Variants in TMEM243 observed in about 807,000 individuals in gnomAD.
The protein encoded by TMEM243 is transmembrane protein 243, also known as MDR1 and mitochondrial taxol resistance associated.
In TMEM243, 20 loss-of-function variants were observed where a neutral mutation model predicts 15.0. The ratio of observed to expected loss-of-function variants is 1.33; its 90% CI spans 0.94 to 1.93. The LOEUF is 1.93. TMEM243 is among the 30% of genes most tolerant of loss of function. The pLI is 0.00. For missense variants in TMEM243, 156 were observed against 142.1 expected, an observed-to-expected ratio of 1.10 and a Z score of -0.50; for synonymous variants, 72 against 52.7, an observed-to-expected ratio of 1.37 and a Z score of -1.59.
intron 1 of TMEM243, among the ~76,000 whole-genome samples, chr7:87,207,266 G>A (rs562362576): frequency 3.3e-5 from 5 of 152,370 alleles, no homozygotes; most frequent in Admixed American, 3.3e-4. Flanking sequence ...CACTCCCAGA[G>A]AGGGGCAAGG....
chr7:87,200,103 A>G (rs1801675875), intron 1 of TMEM243, among the ~76,000 whole-genome samples: 1 of 152,190 alleles, frequency 6.6e-6, no homozygotes, highest in African/African-American at 2.4e-5. Context: ...TAAGGATAAG[A>G]ACCCACAGAA....
chr7:87,201,387 T>C lies in TMEM243; in HGVS notation c.79-2330A>G, dbSNP rs138336748. Among the ~76,000 whole-genome samples the C allele has an allele frequency of 1.2e-3, 190 of 152,340 alleles. 1 individual carries two copies. Among genetic ancestry groups the C allele is most frequent in the Admixed American group, 2.0e-3 (30 of 15,298 alleles). ...CACTGAGACCAACTGAATCAGAATC[T>C]GCGTTTTAACAGGATCTGGTAATTT... On this transcript the variant is annotated intron_variant, in intron 1 of 3. Coordinates refer to ENST00000257637, the MANE Select transcript of TMEM243 (RefSeq NM_024315.4).
intron 1 of TMEM243, among the ~76,000 whole-genome samples, chr7:87,203,260 C>A (rs796365924): frequency 6.6e-6 from 1 of 151,888 alleles, no homozygotes; most frequent in South Asian, 2.1e-4. Flanking sequence ...ATAAAAAGAC[C>A]AAGACAAAAT....
At chr7:87,206,299 C>T (rs569792823) in intron 1 of TMEM243, among the ~76,000 whole-genome samples, 1 of 152,322 alleles carries the variant, frequency 6.6e-6, no homozygotes, top group Admixed American at 6.5e-5. Flanking sequence ...ATCAACTTCA[C>T]TGTAAATCCT....
intron 2 of TMEM243, 65 bp from the exon 3 acceptor site, chr7:87,198,110 A>T: frequency 7.4e-7 from 1 of 1,359,550 alleles, no homozygotes; most frequent in Non-Finnish European, 1.0e-6. Flanking sequence ...TACCAACTGG[A>T]GTCTAGGCAA....
At position 87,200,006 on chromosome 7, in the gene TMEM243, G is replaced by A. The variant is rs114968706; in HGVS notation, c.79-949C>T. 1.8e-3 allele frequency among the ~76,000 whole-genome samples: 277 copies of A among 152,202 alleles called. 1 individual carries two copies. Among genetic ancestry groups the A allele is most frequent in the African/African-American group, 6.0e-3 (251 of 41,522 alleles). ...AGAATGGCAGGATATGGAACATGCC[G>A]CCAATAAACAAAACCTCAGAGATGG... On this transcript the variant is annotated intron_variant, in intron 1 of 3. Transcript: ENST00000257637.
At chr7:87,196,822 A>C (rs1801309516) in intron 3 of TMEM243, 64 bp from the exon 4 acceptor site, 2 of 1,172,304 alleles carry the variant, frequency 1.7e-6, no homozygotes, top group East Asian at 5.3e-5. Flanking sequence ...TACCAATTTC[A>C]AATTTCATTA....
rs879724856 is a variant in TMEM243 at position 87,209,606 on chromosome 7, GAGAGAC to G, written c.78+9814_78+9819del. On this transcript the variant is annotated intron_variant, in intron 1 of 3. Coordinates refer to ENST00000257637, the MANE Select transcript of TMEM243 (RefSeq NM_024315.4). ...AGAGACAGTGAGACAGTGAGAGAGA[GAGAGAC>G]AGAGAGAGAGACTGAGATAGAGAGC... 7.9e-3 allele frequency among the ~76,000 whole-genome samples: 1,117 copies of G among 141,460 alleles called. 29 individuals are homozygous for G. The highest frequency in any genetic ancestry group is 0.018 in the East Asian group (83 of 4,560). 92.8% of individuals were successfully genotyped at this position (141,460 alleles called of 152,430 possible).
chr7:87,220,439 C>T (rs1022020854), upstream of TMEM243: 1 of 152,272 alleles, frequency 6.6e-6, no homozygotes, highest in Non-Finnish European at 1.5e-5. Flanking sequence ...CACACCCCCG[C>T]CGGGATCCGG....
chr7:87,219,043 C>A (rs558957899), intron 1 of TMEM243, among the ~76,000 whole-genome samples: 1 of 152,162 alleles, frequency 6.6e-6, no homozygotes, highest in African/African-American at 2.4e-5. Flanking sequence ...ATCAGAAGCA[C>A]CCCTTCTCGG....
rs915265157 is a variant in TMEM243 at position 87,205,476 on chromosome 7, A to T, written c.79-6419T>A. On this transcript the variant is annotated intron_variant, in intron 1 of 3. Transcript: ENST00000257637. ...TTCCCTTTTAAAACTTAATGCTTTTAACAGCACCTAAGTCACCTCTTGAAT... is the reference window on the plus strand; with the variant it reads ...TTCCCTTTTAAAACTTAATGCTTTTTACAGCACCTAAGTCACCTCTTGAAT... Among the ~76,000 whole-genome samples, 37 of 152,212 alleles carry T rather than the reference A, an allele frequency of 2.4e-4. 1 individual carries two copies. Among genetic ancestry groups the T allele is most frequent in the African/African-American group, 8.7e-4 (36 of 41,516 alleles).
Position 87,196,711 on chromosome 7 carries a change from T to C in TMEM243, c.282A>G (p.Leu94=), listed in dbSNP as rs1298956255. The part of the protein sequence containing the change: ...QGDLEPKFRK[L]IYYIIFSIIM... Reference sequence around the variant, plus strand: ...TGATAGAAAATATGATATAGTAAATTAGCTTTCTAAATTTCGGTTCTAAGT... The same window carrying C: ...TGATAGAAAATATGATATAGTAAATCAGCTTTCTAAATTTCGGTTCTAAGT... The change falls in exon 4 of 4, where the codon CTA becomes CTG. Residue 94 remains leucine, a synonymous_variant. Coordinates refer to ENST00000257637, the MANE Select transcript of TMEM243 (RefSeq NM_024315.4). 1 of 1,607,916 alleles carries C rather than the reference T, an allele frequency of 6.2e-7. No individual in the cohort carries two copies. The highest frequency in any genetic ancestry group is 1.1e-5 in the South Asian group (1 of 90,220).
At position 87,196,625 on chromosome 7, in the gene TMEM243, C is replaced by T; in HGVS notation, c.*11G>A. ...TTGAAGAGTCCTGGTAAGTACTTCT[C>T]CTTGGCAGCCTCACCTTCCCACATC... On this transcript the variant is annotated 3_prime_UTR_variant, in exon 4 of 4. Transcript: ENST00000257637. 6.2e-7 allele frequency: 1 copy of T among 1,607,202 alleles called. No individual in the cohort carries two copies. The highest frequency in any genetic ancestry group is 8.5e-7 in the Non-Finnish European group (1 of 1,177,136).
chr7:87,199,135 G>T, intron 1 of TMEM243, 78 bp from the exon 2 acceptor site: 1 of 1,209,238 alleles, frequency 8.3e-7, no homozygotes, highest in Non-Finnish European at 1.2e-6. Flanking sequence ...AAGGCATTTG[G>T]ATGGTTTACT....
chr7:87,199,151 G>A, intron 1 of TMEM243, 94 bp from the exon 2 acceptor site: 1 of 979,304 alleles, frequency 1.0e-6, no homozygotes, highest in Admixed American at 2.6e-5. Context: ...TTACTATAAA[G>A]AAACCCAAGA....
At chr7:87,197,716 T>TTTG in intron 3 of TMEM243, 1 of 118,868 alleles carries the variant, frequency 8.4e-6, no homozygotes, top group Non-Finnish European at 1.1e-5. Flanking sequence ...TTTTTTTTTT[T>TTTG]AAGCTATCAA....
rs772548498 is a variant in TMEM243 at position 87,219,462 on chromosome 7, C to T, written c.42G>A (p.Leu14=). 3 of 1,614,232 alleles carry T rather than the reference C, an allele frequency of 1.9e-6. No homozygotes were observed. The South Asian group carries it at 3.3e-5, about 18-fold the overall frequency. Residue 14 remains leucine, a synonymous_variant, in exon 1 of 4, where the codon CTG becomes CTA. Coordinates refer to ENST00000257637, the MANE Select transcript of TMEM243 (RefSeq NM_024315.4). ...FATRTYGTSG[L]DNRPLFGETS... ...TCTCCCCAAACAGAGGTCTGTTGTC[C>T]AGGCCACTGGTGCCGTAGGTCCTGG...
chr7:87,208,645 G>A (rs1802397836), intron 1 of TMEM243, among the ~76,000 whole-genome samples: 2 of 152,190 alleles, frequency 1.3e-5, no homozygotes. Flanking sequence ...ACCTTGGAAG[G>A]TCTGGGAAGG....
chr7:87,210,415 C>A (rs936688011), intron 1 of TMEM243, among the ~76,000 whole-genome samples: 10 of 152,194 alleles, frequency 6.6e-5, no homozygotes, highest in African/African-American at 2.4e-4. Context: ...TCCAAAGTCT[C>A]ATCTGAGACA....
Sources: gnomAD v4.1 joint callset for allele counts (sites outside exome capture counted in the v4.1 genomes callset) on GRCh38, gnomAD v4.1.1 for gene constraint, MANE v1.5 for transcripts, NCBI Gene and HGNC (gene_info 2026-07-23, HGNC 2026-07-21) for gene names.